Variants in FAM169A observed in about 807,000 individuals in gnomAD.
The protein encoded by FAM169A is family with sequence similarity 169 member A.
Under a neutral mutation model 75.7 loss-of-function variants are expected in FAM169A, and 24 were observed. The ratio of observed to expected loss-of-function variants is 0.32; its 90% CI spans 0.23 to 0.45. The LOEUF (loss-of-function observed/expected upper bound fraction) is 0.45. Ranked by LOEUF, FAM169A falls within the 20% of genes least tolerant of loss-of-function variation. The probability of loss-of-function intolerance (pLI) is 1.00; values close to 1 mark genes in which losing one functional copy is unlikely to be tolerated. For synonymous variants in FAM169A, 271 were observed against 271.0 expected, an observed-to-expected ratio of 1.00 and a Z score of 0.00; for missense variants, 673 against 784.0, an observed-to-expected ratio of 0.86 and a Z score of 1.69.
chr5:74,833,166 A>G (rs111479053), intron 5 of FAM169A, among the ~76,000 whole-genome samples: 126 of 151,994 alleles, frequency 8.3e-4, no homozygotes, highest in African/African-American at 2.9e-3. Context: ...CAGGTAGGAA[A>G]CTCCCCTGGA....
intron 10 of FAM169A, among the ~76,000 whole-genome samples, chr5:74,800,321 A>C (rs1259253909): frequency 6.6e-6 from 1 of 151,570 alleles, no homozygotes; most frequent in African/African-American, 2.4e-5. Context: ...TAAGTAGTTT[A>C]TTATGGAAAA....
intron 6 of FAM169A, among the ~76,000 whole-genome samples, chr5:74,809,455 G>T (rs1363078746): frequency 6.6e-6 from 1 of 152,144 alleles, no homozygotes; most frequent in Non-Finnish European, 1.5e-5. Context: ...AATTAGCCAG[G>T]TGTGGTGGCA....
At chr5:74,803,275 G>A (rs1330445089) in intron 8 of FAM169A, among the ~76,000 whole-genome samples, 3 of 151,844 alleles carry the variant, frequency 2.0e-5, no homozygotes, top group African/African-American at 7.3e-5. Context: ...TTTTATAACT[G>A]GCCAATACTA....
intron 9 of FAM169A, 23 bp from the exon 10 acceptor site, chr5:74,801,053 T>G: frequency 6.7e-7 from 1 of 1,499,476 alleles, no homozygotes. Flanking sequence ...ACAGCAAAAC[T>G]GCACTTAATT....
At chr5:74,802,140 G>C (rs1031678292) in intron 8 of FAM169A, among the ~76,000 whole-genome samples, 25 of 152,140 alleles carry the variant, frequency 1.6e-4, no homozygotes, top group African/African-American at 6.0e-4. Flanking sequence ...CAGTGAGTCA[G>C]CAATGACTTC....
At chr5:74,854,689 T>C (rs892051222) in intron 1 of FAM169A, among the ~76,000 whole-genome samples, 8 of 152,178 alleles carry the variant, frequency 5.3e-5, no homozygotes, top group African/African-American at 1.9e-4. Flanking sequence ...TTAGCTCCCA[T>C]AAATGAGAGC....
At chr5:74,782,784 T>A in intron 12 of FAM169A, 147 bp downstream of exon 12, 1 of 518,326 alleles carries the variant, frequency 1.9e-6, no homozygotes, top group East Asian at 2.9e-5. Flanking sequence ...ACTGATTTTC[T>A]TATAATATCA....
intron 11 of FAM169A, among the ~76,000 whole-genome samples, chr5:74,795,496 G>T (rs1746223134): frequency 6.6e-6 from 1 of 152,068 alleles, no homozygotes; most frequent in South Asian, 2.1e-4. Context: ...CCCAGATGAA[G>T]AGTTTACTTA....
chr5:74,834,313 A>G, intron 5 of FAM169A, 113 bp downstream of exon 5: 10 of 504,740 alleles, frequency 2.0e-5, no homozygotes, highest in East Asian at 3.4e-5. Flanking sequence ...ACTAATTAAA[A>G]TCACCTCAAT....
At chr5:74,848,409 GATATACTTTTAA>G (rs1206657933) in intron 1 of FAM169A, among the ~76,000 whole-genome samples, 3 of 152,080 alleles carry the variant, frequency 2.0e-5, no homozygotes, top group African/African-American at 7.2e-5. Context: ...TAGGCAATCA[GATATACTTTTAA>G]ATATAATTAT....
rs1749338075 is a variant in FAM169A at position 74,849,627 on chromosome 5, C to T, written c.-3-7948G>A. Among the ~76,000 whole-genome samples, 3 of 151,960 alleles carry T rather than the reference C, an allele frequency of 2.0e-5. No individual in the cohort carries two copies. The South Asian group carries it at 6.2e-4, about 32-fold the overall frequency. ...CAATGCTCTCAACCTTATTTCTGAA[C>T]CTTATTATGATTCCTCTCTTGATCC... On this transcript the variant is annotated intron_variant, in intron 1 of 12. Transcript: ENST00000687041.
At chr5:74,802,025 C>T (rs1746607843) in intron 8 of FAM169A, among the ~76,000 whole-genome samples, 1 of 152,168 alleles carries the variant, frequency 6.6e-6, no homozygotes, top group South Asian at 2.1e-4. Flanking sequence ...GTGGATGTCC[C>T]ATCCAATTTC....
At chr5:74,810,337 G>A (rs929656011) in intron 6 of FAM169A, among the ~76,000 whole-genome samples, 1 of 152,104 alleles carries the variant, frequency 6.6e-6, no homozygotes, top group African/African-American at 2.4e-5. Context: ...GGGGACTGGT[G>A]CACAAAGGGA....
chr5:74,810,069 C>A (rs1355910951), intron 6 of FAM169A, among the ~76,000 whole-genome samples: 4 of 152,150 alleles, frequency 2.6e-5, no homozygotes, highest in African/African-American at 9.6e-5. Context: ...AAGGAAAAAA[C>A]CCAAATGTCT....
chr5:74,829,475 A>T (rs145544476), intron 5 of FAM169A, among the ~76,000 whole-genome samples: 2,605 of 152,298 alleles, frequency 0.017, 19 homozygotes, highest in South Asian at 0.045. Flanking sequence ...TGTTTTATGA[A>T]TTAAGTTATA....
chr5:74,816,731 A>G (rs1428400333), intron 5 of FAM169A, among the ~76,000 whole-genome samples: 1 of 152,218 alleles, frequency 6.6e-6, no homozygotes, highest in East Asian at 1.9e-4. Flanking sequence ...GTCTTAGGTA[A>G]AGTTTTCATT....
At chr5:74,810,407 T>C (rs1747114061) in intron 6 of FAM169A, among the ~76,000 whole-genome samples, 1 of 152,058 alleles carries the variant, frequency 6.6e-6, no homozygotes, top group Non-Finnish European at 1.5e-5. Context: ...AGGGTCCATA[T>C]GTTTGTCAGA....
At chr5:74,809,749 C>G (rs1267723445) in intron 6 of FAM169A, among the ~76,000 whole-genome samples, 1 of 152,160 alleles carries the variant, frequency 6.6e-6, no homozygotes, top group South Asian at 2.1e-4. Context: ...AATCTTTAGT[C>G]TTCAGGAAAA....
intron 1 of FAM169A, among the ~76,000 whole-genome samples, chr5:74,858,248 C>T (rs887879784): frequency 2.6e-5 from 4 of 151,894 alleles, no homozygotes; most frequent in South Asian, 2.1e-4. Flanking sequence ...ATTAGCTGGG[C>T]GTGGTGGTAG....
Sources: gnomAD v4.1 joint callset for allele counts (sites outside exome capture counted in the v4.1 genomes callset) on GRCh38, gnomAD v4.1.1 for gene constraint, MANE v1.5 for transcripts, NCBI Gene and HGNC (gene_info 2026-07-23, HGNC 2026-07-21) for gene names.